Variants in MMP26 observed in about 807,000 individuals in gnomAD.
The protein encoded by MMP26 is matrix metalloproteinase-26.
Under a neutral mutation model 31.0 loss-of-function variants are expected in MMP26, and 33 were observed. The ratio of observed to expected loss-of-function variants is 1.06; its 90% CI spans 0.81 to 1.42. The LOEUF (loss-of-function observed/expected upper bound fraction) is 1.42. Among genes scored for constraint, MMP26 ranks in the 40% most tolerant of loss-of-function variants. MMP26 has a pLI of 0.00. For synonymous variants in MMP26, 122 were observed against 114.9 expected, an observed-to-expected ratio of 1.06 and a Z score of -0.40; for missense variants, 347 against 316.1, an observed-to-expected ratio of 1.10 and a Z score of -0.74.
intron 2 of MMP26, among the ~76,000 whole-genome samples, chr11:4,935,886 T>A (rs1304062749): frequency 6.8e-6 from 1 of 147,874 alleles, no homozygotes; most frequent in African/African-American, 2.5e-5. Context: ...CATTTATTGA[T>A]TTGCGTATAT....
At chr11:4,803,413 G>A (rs376629008) in intron 2 of MMP26, 10 of 1,482,110 alleles carry the variant, frequency 6.7e-6, no homozygotes, top group African/African-American at 4.2e-5. Context: ...GTAAGTGATG[G>A]GGATACACTG....
chr11:4,781,757 G>T lies in MMP26; in HGVS notation c.-145+14416G>T, dbSNP rs1848867386. Among the ~76,000 whole-genome samples, 2 of 152,074 alleles carry T rather than the reference G, an allele frequency of 1.3e-5. 1 individual carries two copies. Among genetic ancestry groups the T allele is most frequent in the South Asian group, 4.2e-4 (2 of 4,814 alleles). Reference sequence around the variant, plus strand: ...CTTGTAGCTCCCATAATTCCCACCTGTTGTGGGAGGGACCTGGTAGGAAGT... The same window carrying T: ...CTTGTAGCTCCCATAATTCCCACCTTTTGTGGGAGGGACCTGGTAGGAAGT... On this transcript the variant is annotated intron_variant, in intron 2 of 7. Coordinates refer to ENST00000380390, the MANE Select transcript of MMP26 (RefSeq NM_021801.5).
At position 4,836,509 on chromosome 11, in the gene MMP26, G is replaced by T. The variant is rs36094653; in HGVS notation, c.-145+69168G>T. 3.3e-5 allele frequency among the ~76,000 whole-genome samples: 5 copies of T among 151,140 alleles called. No individual in the cohort carries two copies. In the East Asian group the frequency reaches 9.7e-4, roughly 29 times the overall value. ...GTGAGAAAAAGAATGTATTTAACAG[G>T]TGATTCTGCCATTAGTAAATATCCA... is the stretch of plus-strand genomic sequence containing the variant. On this transcript the variant is annotated intron_variant, in intron 2 of 7. Coordinates refer to ENST00000380390, the MANE Select transcript of MMP26 (RefSeq NM_021801.5).
rs536244736 is a variant in MMP26 at position 4,743,333 on chromosome 11, T to C, written c.-216-23937T>C. Among the ~76,000 whole-genome samples the C allele has an allele frequency of 2.0e-5, 3 of 152,304 alleles. No individual in the cohort carries two copies. The South Asian group carries it at 6.2e-4, about 32-fold the overall frequency. On this transcript the variant is annotated intron_variant, in intron 1 of 7. Coordinates refer to ENST00000380390, the MANE Select transcript of MMP26 (RefSeq NM_021801.5). ...ATTTTCTTGTCAATATTCAGGAGAA[T>C]TGAAAAGCAATTATTTCCTTATGTG...
rs992775743 is a variant in MMP26 at position 4,974,078 on chromosome 11, G to A, written c.-144-13990G>A. 2.0e-4 allele frequency among the ~76,000 whole-genome samples: 30 copies of A among 151,658 alleles called. 2 individuals carry two copies. The highest frequency in any genetic ancestry group is 3.4e-3 in the Middle Eastern group (1 of 290). The stretch of plus-strand genomic sequence containing the variant: ...TAGACTCAACTAGAAACAAAAAACC[G>A]AGAAAAAATAATGCAAATTGATATC... On this transcript the variant is annotated intron_variant, in intron 2 of 7. Transcript: ENST00000380390.
At chr11:4,706,550 C>G (rs762850026) in intron 1 of MMP26, among the ~76,000 whole-genome samples, 3 of 139,658 alleles carry the variant, frequency 2.1e-5, no homozygotes, top group Non-Finnish European at 4.5e-5. Flanking sequence ...TGCACTCCAG[C>G]CTGGGCAACA....
chr11:4,814,303 A>G (rs1394259198), intron 2 of MMP26, among the ~76,000 whole-genome samples: 6 of 152,252 alleles, frequency 3.9e-5, no homozygotes. Flanking sequence ...AGATGCTTAT[A>G]GCAGCTGTAT....
intron 1 of MMP26, chr11:4,724,299 T>C (rs547421624): frequency 1.2e-5 from 4 of 340,812 alleles, no homozygotes; most frequent in Non-Finnish European, 2.2e-5. Flanking sequence ...CAGGATTTTC[T>C]CTATACTCTT....
chr11:4,918,310 G>T (rs1355870801), intron 2 of MMP26, among the ~76,000 whole-genome samples: 1 of 152,022 alleles, frequency 6.6e-6, no homozygotes, highest in Non-Finnish European at 1.5e-5. Context: ...AACGGGTGGA[G>T]GTTAAATTAG....
intron 1 of MMP26, among the ~76,000 whole-genome samples, chr11:4,738,927 G>T (rs11033631): frequency 0.17 from 26,449 of 151,996 alleles, 2,777 homozygotes; most frequent in African/African-American, 0.3. Flanking sequence ...ATTTGCTATT[G>T]CTTGGTCAAT....
chr11:4,750,509 G>A (rs1478708152), intron 1 of MMP26, among the ~76,000 whole-genome samples: 1 of 151,960 alleles, frequency 6.6e-6, no homozygotes. Context: ...AGTAAAATAT[G>A]GAATAACTGT....
chr11:4,779,315 G>A (rs921735019), intron 2 of MMP26, among the ~76,000 whole-genome samples: 1 of 124,772 alleles, frequency 8.0e-6, no homozygotes, highest in African/African-American at 2.6e-5. Flanking sequence ...GGAGAATAAT[G>A]TAGTTTTTCT....
chr11:4,833,624 T>G (rs963529015), intron 2 of MMP26, among the ~76,000 whole-genome samples: 7 of 152,214 alleles, frequency 4.6e-5, no homozygotes, highest in Non-Finnish European at 1.0e-4. Context: ...CATGTCCTGC[T>G]GCAAGCCTGT....
chr11:4,882,173 C>G lies in MMP26; in HGVS notation c.-144-105895C>G. ...GCTTGGTGTTCTCTGGTTTCATGCC[C>G]GGGAGATCAGCTTTAAAGCTTGCTT... On this transcript the variant is annotated intron_variant, in intron 2 of 7. Transcript: ENST00000380390. 8 of 1,613,856 alleles carry G rather than the reference C, an allele frequency of 5.0e-6. No homozygotes were observed. Among genetic ancestry groups the G allele is most frequent in the Non-Finnish European group, 6.8e-6 (8 of 1,179,900 alleles).
At chr11:4,962,820 G>A (rs777465249) in intron 2 of MMP26, among the ~76,000 whole-genome samples, 20 of 152,136 alleles carry the variant, frequency 1.3e-4, no homozygotes, top group Non-Finnish European at 2.6e-4. Context: ...AAAAGCATGT[G>A]AACTTCTGGG....
intron 2 of MMP26, among the ~76,000 whole-genome samples, chr11:4,812,161 TG>T (rs1423340784): frequency 6.6e-6 from 1 of 152,170 alleles, no homozygotes; most frequent in African/African-American, 2.4e-5. Flanking sequence ...AAAAGGTTTT[TG>T]GGGATATTGA....
chr11:4,943,313 T>G (rs1385559790), intron 2 of MMP26: 4 of 315,762 alleles, frequency 1.3e-5, no homozygotes, highest in Non-Finnish European at 2.5e-5. Flanking sequence ...TAATAAGTCT[T>G]TTAACATCTC....
chr11:4,789,821 C>T (rs987362588), intron 2 of MMP26, among the ~76,000 whole-genome samples: 14 of 151,768 alleles, frequency 9.2e-5, no homozygotes, highest in Admixed American at 4.6e-4. Flanking sequence ...AAGCACTTCA[C>T]AGGTGTGAAG....
chr11:4,799,614 C>A (rs1419185316), intron 2 of MMP26, among the ~76,000 whole-genome samples: 1 of 152,172 alleles, frequency 6.6e-6, no homozygotes, highest in Non-Finnish European at 1.5e-5. Context: ...AAAATACAAT[C>A]ATCCTTTACC....
Sources: allele counts gnomAD v4.1 joint callset (sites outside exome capture counted in the v4.1 genomes callset), GRCh38; gene constraint gnomAD v4.1.1; transcripts MANE v1.5; gene names NCBI Gene and HGNC (gene_info 2026-07-23, HGNC 2026-07-21).